The following SGK3 variants were observed in gnomAD, a reference collection of about 807,000 sequenced individuals.
The protein encoded by SGK3 is serine/threonine-protein kinase Sgk3.
Under a neutral mutation model 68.5 loss-of-function variants are expected in SGK3, and 47 were observed. The ratio of observed to expected loss-of-function variants is 0.69; its 90% CI spans 0.54 to 0.87. The LOEUF is 0.87. Ranked by LOEUF, SGK3 falls within the 40% of genes least tolerant of loss-of-function variation. SGK3 has a pLI of 0.00. For synonymous variants in SGK3, 181 were observed against 189.1 expected (o/e 0.96, Z 0.35); for missense variants, 479 against 575.5 (o/e 0.83, Z 1.72).
intron 1 of SGK3, among the ~76,000 whole-genome samples, chr8:66,760,587 G>A (rs549635854): frequency 3.5e-4 from 53 of 151,982 alleles, no homozygotes; most frequent in African/African-American, 1.2e-3. Flanking sequence ...GTCCGCCTCG[G>A]CCTCCCAAAG....
At position 66,841,338 on chromosome 8, in the gene SGK3, GTTTA is replaced by G. The variant is rs577147906; in HGVS notation, c.978+232_978+235del. Among the ~76,000 whole-genome samples, 621 of 152,180 alleles carry G rather than the reference GTTTA, an allele frequency of 4.1e-3. 1 individual carries two copies. The highest frequency in any genetic ancestry group is 8.7e-3 in the South Asian group (42 of 4,820). ...GAATAATCCAACAAATATAAATTATGTTTATTTGTTTTTAGTGTTAGAAGTTTAC... is the reference window on the plus strand; with the variant it reads ...GAATAATCCAACAAATATAAATTATGTTTGTTTTTAGTGTTAGAAGTTTAC... On this transcript the variant is annotated intron_variant, in intron 13 of 16. Transcript: ENST00000521198.
chr8:66,822,044 C>T (rs558028755), intron 5 of SGK3, among the ~76,000 whole-genome samples: 24 of 148,608 alleles, frequency 1.6e-4, no homozygotes, highest in Admixed American at 1.3e-3. Context: ...TGCCAGGTAA[C>T]GGACATAACG....
chr8:66,793,866 G>T (rs1357270338), intron 2 of SGK3, 34 bp downstream of exon 2: 4 of 1,595,256 alleles, frequency 2.5e-6, no homozygotes, highest in Non-Finnish European at 3.4e-6. Context: ...TGGGAAAAAA[G>T]TTGAATGTAG....
At position 66,859,569 on chromosome 8, in the gene SGK3, C is replaced by T; in HGVS notation, c.1479C>T (p.Asp493=). 2 of 1,608,278 alleles carry T rather than the reference C, an allele frequency of 1.2e-6. No individual in the cohort carries two copies. The highest frequency in any genetic ancestry group is 1.7e-6 in the Non-Finnish European group (2 of 1,176,238). The change falls in exon 17 of 17, where the codon GAC becomes GAT. Residue 493 remains aspartate, a synonymous_variant. Transcript: ENST00000521198. Reference sequence around the variant, plus strand: ...TCTCTTATGCACCTCCTTCAGAAGACTTATTTTTGTGAGCAGTTTGCCATT... The same window carrying T: ...TCTCTTATGCACCTCCTTCAGAAGATTTATTTTTGTGAGCAGTTTGCCATT... The part of the protein sequence containing the change: ...VGFSYAPPSE[D]LFL
At position 66,828,689 on chromosome 8, in the gene SGK3, G is replaced by A. The variant is rs745494361; in HGVS notation, c.453G>A (p.Pro151=). The change falls in exon 7 of 17, where the codon CCG becomes CCA. Residue 151 remains proline, a synonymous_variant. Transcript: ENST00000521198. ...CCTCACAGAACATCAACCTGGGACC[G>A]TCTGGAAATCCTCAGTATGTTTAAT... ...HSTSQNINLG[P]SGNPHAKPTD... is the part of the protein sequence containing the mutation. 50 of 1,613,708 alleles carry A rather than the reference G, an allele frequency of 3.1e-5. No homozygotes were observed. The highest frequency in any genetic ancestry group is 3.7e-5 in the Non-Finnish European group (44 of 1,179,970).
chr8:66,785,568 C>T (rs907340623), intron 1 of SGK3, among the ~76,000 whole-genome samples: 2 of 152,178 alleles, frequency 1.3e-5, no homozygotes, highest in Non-Finnish European at 2.9e-5. Flanking sequence ...GCCACTCCCC[C>T]ACCCCACAAG....
chr8:66,856,127 G>T lies in SGK3; in HGVS notation c.1321-3284G>T, dbSNP rs1455412084. Among the ~76,000 whole-genome samples the T allele has an allele frequency of 3.3e-5, 5 of 151,846 alleles. No individual in the cohort carries two copies. In the East Asian group the frequency reaches 9.7e-4, roughly 29 times the overall value. ...CTGTCACCCAGGCTGGAGTGCAGTG[G>T]CACGATATTGGCTCACTGCAACCTC... On this transcript the variant is annotated intron_variant, in intron 16 of 16. Transcript: ENST00000521198.
intron 1 of SGK3, among the ~76,000 whole-genome samples, chr8:66,721,712 C>CA (rs1237718747): frequency 6.6e-6 from 1 of 150,576 alleles, no homozygotes; most frequent in Non-Finnish European, 1.5e-5. Context: ...CATGTCATTG[C>CA]AACAGCATTG....
chr8:66,801,506 T>C (rs1157447279), intron 3 of SGK3, among the ~76,000 whole-genome samples: 1 of 152,196 alleles, frequency 6.6e-6, no homozygotes, highest in Non-Finnish European at 1.5e-5. Flanking sequence ...TTGAAACTCT[T>C]GAATACCCAT....
At chr8:66,798,666 C>T (rs1353054109) in intron 3 of SGK3, 41 bp downstream of exon 3, 2 of 1,507,934 alleles carry the variant, frequency 1.3e-6, no homozygotes, top group East Asian at 2.3e-5. Flanking sequence ...AAAGAAAGCA[C>T]CCGAGAAAAC....
At chr8:66,816,337 C>CTTTTTTTTTTTTTTT (rs1177867449) in intron 5 of SGK3, among the ~76,000 whole-genome samples, 5 of 114,122 alleles carry the variant, frequency 4.4e-5, no homozygotes, top group African/African-American at 1.4e-4. Flanking sequence ...GTGACATTTC[C>CTTTTTTTTTTTTTTT]TTTTTTTTTT....
At chr8:66,837,795 T>A (rs1444246522) in intron 10 of SGK3, among the ~76,000 whole-genome samples, 2 of 151,702 alleles carry the variant, frequency 1.3e-5, no homozygotes, top group African/African-American at 4.8e-5. Context: ...AAAAAAAAAA[T>A]TCCCTTAAGA....
At chr8:66,801,666 T>C (rs936421578) in intron 3 of SGK3, among the ~76,000 whole-genome samples, 11 of 152,086 alleles carry the variant, frequency 7.2e-5, no homozygotes, top group Non-Finnish European at 1.0e-4. Context: ...TTTCTCTCTC[T>C]CTCTCACACA....
Position 66,785,316 on chromosome 8 carries a change from C to T in SGK3, c.-121-8300C>T, listed in dbSNP as rs371001289. ...CACGTGACCATGTGGAACTACTCTT[C>T]GTAGCTGAGGTTTCTTCTTCATCTG... On this transcript the variant is annotated intron_variant, in intron 1 of 16. Transcript: ENST00000521198. 2.0e-4 allele frequency among the ~76,000 whole-genome samples: 30 copies of T among 152,334 alleles called. No homozygotes were observed. In the East Asian group the frequency reaches 5.8e-3, roughly 29 times the overall value.
intron 1 of SGK3, among the ~76,000 whole-genome samples, chr8:66,784,012 C>T (rs1224586104): frequency 6.6e-6 from 1 of 152,128 alleles, no homozygotes; most frequent in Non-Finnish European, 1.5e-5. Flanking sequence ...ATCCTCTGGT[C>T]TCAGCCTCTC....
intron 1 of SGK3, among the ~76,000 whole-genome samples, chr8:66,729,480 A>G (rs1450587638): frequency 6.6e-6 from 1 of 152,070 alleles, no homozygotes; most frequent in African/African-American, 2.4e-5. Context: ...AGAAAAAAAA[A>G]AATCCTGTTG....
chr8:66,742,567 G>A (rs11992069), intron 1 of SGK3, among the ~76,000 whole-genome samples: 19,921 of 151,998 alleles, frequency 0.13, 2,495 homozygotes, highest in African/African-American at 0.33. Flanking sequence ...AGGTCTCACT[G>A]TGTTGCCCAG....
At chr8:66,830,575 C>T (rs188234776) in intron 7 of SGK3, among the ~76,000 whole-genome samples, 2 of 152,280 alleles carry the variant, frequency 1.3e-5, no homozygotes, top group African/African-American at 2.4e-5. Flanking sequence ...TTTCTGCTGC[C>T]GTGTGTTTTT....
At chr8:66,767,913 T>G (rs1402047588) in intron 1 of SGK3, 3 of 1,146,842 alleles carry the variant, frequency 2.6e-6, no homozygotes, top group African/African-American at 3.0e-5. Flanking sequence ...AGGCTTTGAT[T>G]GAAGGTCCAG....
Sources: allele counts gnomAD v4.1 joint callset (sites outside exome capture counted in the v4.1 genomes callset), GRCh38; gene constraint gnomAD v4.1.1; transcripts MANE v1.5; gene names NCBI Gene and HGNC (gene_info 2026-07-23, HGNC 2026-07-21).